The following RPGR variants were observed in gnomAD, a reference collection of about 807,000 sequenced individuals.
The protein encoded by RPGR is retinitis pigmentosa GTPase regulator, also known as X-linked retinitis pigmentosa GTPase regulator.
RPGR carries 10 observed loss-of-function variants against 56.3 expected under a neutral mutation model. The observed-to-expected ratio is 0.18, with a 90% CI of 0.11 to 0.30. The LOEUF (loss-of-function observed/expected upper bound fraction) is 0.30, where lower values mean the gene tolerates loss of function less well. RPGR is among the 10% of genes least tolerant of loss of function. The pLI, the probability that RPGR is intolerant of heterozygous loss-of-function variation, is 1.00. For missense variants in RPGR, 538 were observed against 590.9 expected (o/e 0.91, Z 0.93); for synonymous variants, 197 against 212.9 (o/e 0.93, Z 0.65).
Position 38,290,947 on chromosome X carries a change from T to A in RPGR, c.1572+12A>T. 1.1e-6 allele frequency: 1 copy of A among 949,707 alleles called. No individual in the cohort carries two copies. The highest frequency in any genetic ancestry group is 1.5e-6 in the Non-Finnish European group (1 of 678,704). The allele number at this position is 949,707 out of a possible 1,213,427, so 78.3% of individuals were successfully genotyped here. On this transcript the variant is annotated intron_variant, in intron 13 of 18. Transcript: ENST00000642395. The stretch of plus-strand genomic sequence containing the variant: ...TCACCAACAATAACGAAAATAAATC[T>A]TCATATTATACCTTTTGTTTCTGAA...
chrX:38,271,330 C>A (rs2066837706), intron 18 of RPGR, among the ~76,000 whole-genome samples: 1 of 111,659 alleles, frequency 9.0e-6, no homozygotes. Flanking sequence ...CTATAAAATA[C>A]CAAGAAATGC....
At chrX:38,297,477 A>G in intron 10 of RPGR, 25 bp from the exon 11 acceptor site, 1 of 1,155,436 alleles carries the variant, frequency 8.7e-7, no homozygotes, top group Non-Finnish European at 1.2e-6. Context: ...GGTTAAACAA[A>G]CTATTTCATG....
Position 38,287,257 on chromosome X carries a change from T to C in RPGR, c.1754-12A>G, listed in dbSNP as rs1450351739. 4 of 1,206,972 alleles carry C rather than the reference T, an allele frequency of 3.3e-6. No individual in the cohort carries two copies. The African/African-American group carries it at 7.0e-5, about 21-fold the overall frequency. Reference sequence around the variant, plus strand: ...CTCCTCTGGGATCTCTGACAAGCGATCACATTTAAAATCATACTTTGCCAT... The same window carrying C: ...CTCCTCTGGGATCTCTGACAAGCGACCACATTTAAAATCATACTTTGCCAT... On this transcript the variant is annotated splice_polypyrimidine_tract_variant and intron_variant, in intron 14 of 18. Coordinates refer to ENST00000642395, the MANE Select transcript of RPGR (RefSeq NM_000328.3).
At chrX:38,297,478 C>A (rs2067410756) in intron 10 of RPGR, 26 bp from the exon 11 acceptor site, 1 of 1,150,418 alleles carries the variant, frequency 8.7e-7, no homozygotes, top group Non-Finnish European at 1.2e-6. Flanking sequence ...GTTAAACAAA[C>A]TATTTCATGA....
intron 5 of RPGR, among the ~76,000 whole-genome samples, chrX:38,318,290 G>A (rs1322915467): frequency 9.1e-6 from 1 of 109,683 alleles, no homozygotes; most frequent in Non-Finnish European, 1.9e-5. Flanking sequence ...GAGTAACACC[G>A]GATGTTACAC....
chrX:38,288,822 C>A (rs1413164479), intron 13 of RPGR, among the ~76,000 whole-genome samples: 1 of 111,100 alleles, frequency 9.0e-6, no homozygotes, highest in Non-Finnish European at 1.9e-5. Flanking sequence ...CATTCTGTCA[C>A]CTAGGCTGGA....
At chrX:38,302,163 A>G (rs763119508) in intron 8 of RPGR, among the ~76,000 whole-genome samples, 1 of 111,980 alleles carries the variant, frequency 8.9e-6, no homozygotes, top group Non-Finnish European at 1.9e-5. Context: ...TTACTGCCAT[A>G]GCAGCTATTA....
intron 18 of RPGR, among the ~76,000 whole-genome samples, chrX:38,271,627 A>T (rs1489739587): frequency 1.8e-5 from 2 of 112,161 alleles, no homozygotes; most frequent in Non-Finnish European, 3.8e-5. Context: ...CCCTTAAATG[A>T]GAAATGAACT....
intron 13 of RPGR, 121 bp from the exon 14 acceptor site, chrX:38,288,162 C>CA (rs1232170619): frequency 1.6e-6 from 1 of 612,337 alleles, no homozygotes; most frequent in Non-Finnish European, 2.5e-6. Flanking sequence ...ATCAAAATAG[C>CA]AAGTTTTACC....
chrX:38,278,050 A>C (rs752783295), intron 15 of RPGR, among the ~76,000 whole-genome samples: 3 of 111,905 alleles, frequency 2.7e-5, no homozygotes, highest in Non-Finnish European at 5.6e-5. Context: ...GAAGCTACTC[A>C]GGAAGAATTA....
Position 38,320,911 on chromosome X carries a change from C to A in RPGR, c.310+116G>T, listed in dbSNP as rs776253206. The stretch of plus-strand genomic sequence containing the variant: ...TACTAGCCATTGACATTTTAAAAAA[C>A]CCTAATTTTACTGTTGCCAAAGTAT... On this transcript the variant is annotated intron_variant, in intron 4 of 18. Transcript: ENST00000642395. The A allele has an allele frequency of 8.8e-5, 51 of 581,228 alleles. No homozygotes were observed. The African/African-American group carries it at 1.0e-3, about 12-fold the overall frequency. 47.9% of individuals were successfully genotyped at this position (581,228 alleles called of 1,213,427 possible).
In RPGR at chrX:38,304,629, C is replaced by A. The variant is rs749122389; in HGVS notation, c.934+6G>T. 8.6e-7 allele frequency: 1 copy of A among 1,169,360 alleles called. No individual in the cohort carries two copies. The highest frequency in any genetic ancestry group is 1.2e-6 in the Non-Finnish European group (1 of 857,977). On this transcript the variant is annotated splice_donor_region_variant and intron_variant, in intron 8 of 18. Transcript: ENST00000642395. ...ATAAATATATAACAGAAATTCTAAT[C>A]CATACCTGTTATCAAAGCTGTGTGA...
At chrX:38,291,260 G>T in intron 12 of RPGR, 133 bp downstream of exon 12, 1 of 437,362 alleles carries the variant, frequency 2.3e-6, no homozygotes, top group Non-Finnish European at 3.9e-6. Context: ...CAATATAGTT[G>T]GTTAAAAAAT....
chrX:38,297,271 T>C lies in RPGR; in HGVS notation c.1414+13A>G, dbSNP rs769861037. On this transcript the variant is annotated intron_variant, in intron 11 of 18. Coordinates refer to ENST00000642395, the MANE Select transcript of RPGR (RefSeq NM_000328.3). ...ACATTTATCCTGAGAGCAGACAGAGTAGCAAATGTTACCTGGTTCCTCTGG... is the reference window on the plus strand; with the variant it reads ...ACATTTATCCTGAGAGCAGACAGAGCAGCAAATGTTACCTGGTTCCTCTGG... 8 of 1,202,592 alleles carry C rather than the reference T, an allele frequency of 6.7e-6. No individual in the cohort carries two copies. The highest frequency in any genetic ancestry group is 9.0e-6 in the Non-Finnish European group (8 of 889,771).
chrX:38,284,534 C>G (rs1310303947), intron 15 of RPGR: 1 of 747,112 alleles, frequency 1.3e-6, no homozygotes, highest in Non-Finnish European at 1.6e-6. Context: ...TGATAAAGTA[C>G]AGTTAAAGCT....
Position 38,269,677 on chromosome X carries a change from A to T in RPGR, c.2397T>A (p.Asn799Lys), listed in dbSNP as rs768820582. 8.3e-7 allele frequency: 1 copy of T among 1,206,707 alleles called. No homozygotes were observed. Among genetic ancestry groups the T allele is most frequent in the African/African-American group, 1.8e-5 (1 of 57,132 alleles). ...TTCTCTCTGTATTTGTTGGTGGGATATTCTGATGATTCTGACTCATGTGGT... is the reference window on the plus strand; with the variant it reads ...TTCTCTCTGTATTTGTTGGTGGGATTTTCTGATGATTCTGACTCATGTGGT... Residue 799 changes from asparagine (N) to lysine (K), a missense_variant, in exon 19 of 19, where the codon AAT (asparagine) becomes AAA (lysine). By Grantham distance (94) the Asn-to-Lys change is moderately conservative. Transcript: ENST00000642395.
intron 7 of RPGR, among the ~76,000 whole-genome samples, chrX:38,306,778 C>G (rs774955365): frequency 4.0e-4 from 45 of 112,353 alleles, no homozygotes; most frequent in African/African-American, 1.3e-3. Context: ...TTTAGGCAGT[C>G]TGAATCATGT....
intron 18 of RPGR, among the ~76,000 whole-genome samples, chrX:38,273,180 T>C: frequency 9.0e-6 from 1 of 111,568 alleles, no homozygotes; most frequent in East Asian, 2.8e-4. Flanking sequence ...TAAGCTAAAG[T>C]AAAAGGATGA....
intron 15 of RPGR, among the ~76,000 whole-genome samples, chrX:38,283,606 G>C (rs1458360294): frequency 8.9e-6 from 1 of 112,142 alleles, no homozygotes; most frequent in Non-Finnish European, 1.9e-5. Context: ...ATGCTTGCAT[G>C]AACTACCACT....
Sources: gnomAD v4.1 joint callset for allele counts (sites outside exome capture counted in the v4.1 genomes callset) on GRCh38, gnomAD v4.1.1 for gene constraint, MANE v1.5 for transcripts, NCBI Gene and HGNC (gene_info 2026-07-23, HGNC 2026-07-21) for gene names.